FARS2: variants seen among roughly 807,000 people sequenced by gnomAD.
FARS2 encodes phenylalanyl-tRNA synthetase 2, mitochondrial.
Under a neutral mutation model 46.4 loss-of-function variants are expected in FARS2, and 40 were observed. The ratio of observed to expected loss-of-function variants is 0.86; its 90% confidence interval spans 0.67 to 1.12. The LOEUF (loss-of-function observed/expected upper bound fraction) is 1.12. FARS2 is among the 50% of genes most tolerant of loss of function. The probability of loss-of-function intolerance (pLI) is 0.00; values close to 1 mark genes in which losing one functional copy is unlikely to be tolerated. For synonymous variants in FARS2, 234 were observed against 214.9 expected, an observed-to-expected ratio of 1.09 and a Z score of -0.78; for missense variants, 513 against 567.9, an observed-to-expected ratio of 0.90 and a Z score of 0.98.
At chr6:5,708,976 G>T (rs1758933759) in intron 6 of FARS2, among the ~76,000 whole-genome samples, 1 of 152,160 alleles carries the variant, frequency 6.6e-6, no homozygotes, top group African/African-American at 2.4e-5. Context: ...TAACTCTAAA[G>T]CCAGGGTTGC....
chr6:5,433,401 G>T (rs541478315), intron 4 of FARS2, among the ~76,000 whole-genome samples: 22 of 152,268 alleles, frequency 1.4e-4, no homozygotes, highest in African/African-American at 4.8e-4. Flanking sequence ...TCAACAGAGG[G>T]TCCCCTTAGT....
intron 6 of FARS2, among the ~76,000 whole-genome samples, chr6:5,741,482 C>T (rs1761337231): frequency 6.6e-6 from 1 of 152,184 alleles, no homozygotes; most frequent in African/African-American, 2.4e-5. Context: ...GGAGCCTTTC[C>T]AGGGTATGGT....
chr6:5,649,474 T>A (rs970104022), intron 6 of FARS2, among the ~76,000 whole-genome samples: 1 of 152,216 alleles, frequency 6.6e-6, no homozygotes, highest in African/African-American at 2.4e-5. Flanking sequence ...CCTTGAGGTT[T>A]ACATGCAGGG....
chr6:5,529,228 A>G (rs575151201), intron 4 of FARS2, among the ~76,000 whole-genome samples: 43 of 152,316 alleles, frequency 2.8e-4, no homozygotes, highest in Admixed American at 9.8e-4. Flanking sequence ...GAGCAAGTCA[A>G]TGTTTCTTTC....
chr6:5,249,956 A>G, the FARS2 span, among the ~76,000 whole-genome samples: 9 of 152,192 alleles, frequency 5.9e-5, no homozygotes, highest in African/African-American at 2.2e-4. Flanking sequence ...ATTAAGAGGT[A>G]ATTTTCTATT....
chr6:5,507,661 T>C (rs1015647945), intron 4 of FARS2, among the ~76,000 whole-genome samples: 2 of 152,154 alleles, frequency 1.3e-5, no homozygotes, highest in African/African-American at 4.8e-5. Context: ...GCAGAACTTA[T>C]GATTTGAGCT....
intron 6 of FARS2, among the ~76,000 whole-genome samples, chr6:5,680,324 T>C (rs1246863551): frequency 2.0e-5 from 3 of 152,072 alleles, no homozygotes; most frequent in Admixed American, 6.5e-5. Flanking sequence ...TAGGCATGAG[T>C]AGCCATGGGT....
intron 6 of FARS2, among the ~76,000 whole-genome samples, chr6:5,662,053 A>G (rs1272941461): frequency 1.3e-5 from 2 of 152,112 alleles, no homozygotes; most frequent in Non-Finnish European, 2.9e-5. Flanking sequence ...GAAAAGGAAA[A>G]ATATTTTCTC....
At chr6:5,500,570 A>G (rs979854204) in intron 4 of FARS2, among the ~76,000 whole-genome samples, 1 of 152,194 alleles carries the variant, frequency 6.6e-6, no homozygotes, top group Non-Finnish European at 1.5e-5. Flanking sequence ...TTTTCATCAG[A>G]GCAGGTAAAC....
At chr6:5,748,625 A>T in intron 6 of FARS2, among the ~76,000 whole-genome samples, 1 of 152,268 alleles carries the variant, frequency 6.6e-6, no homozygotes, top group East Asian at 1.9e-4. Context: ...TCCTAATGGC[A>T]TGGCTGGGGC....
At chr6:5,361,902 G>A (rs1278956288) in intron 1 of FARS2, among the ~76,000 whole-genome samples, 2 of 152,156 alleles carry the variant, frequency 1.3e-5, no homozygotes, top group Admixed American at 6.5e-5. Context: ...AGAAGAATGA[G>A]GGAGGTTGAA....
At chr6:5,321,939 A>G (rs1438398580) in intron 1 of FARS2, among the ~76,000 whole-genome samples, 1 of 152,222 alleles carries the variant, frequency 6.6e-6, no homozygotes, top group Non-Finnish European at 1.5e-5. Flanking sequence ...GACATAAGTT[A>G]TGTCTTACAT....
chr6:5,366,778 T>G (rs1758708105), intron 1 of FARS2, among the ~76,000 whole-genome samples: 1 of 152,110 alleles, frequency 6.6e-6, no homozygotes, highest in Non-Finnish European at 1.5e-5. Context: ...ACATATGCCT[T>G]TGGGAGGAAG....
chr6:5,658,558 C>T (rs1777708801), intron 6 of FARS2, among the ~76,000 whole-genome samples: 1 of 152,222 alleles, frequency 6.6e-6, no homozygotes, highest in Admixed American at 6.5e-5. Flanking sequence ...CATGTCTACT[C>T]ATACATTGCC....
chr6:5,316,358 C>G (rs1321143046), intron 1 of FARS2, among the ~76,000 whole-genome samples: 1 of 152,120 alleles, frequency 6.6e-6, no homozygotes, highest in Non-Finnish European at 1.5e-5. Context: ...TAAAACTACC[C>G]GAATGACACA....
At chr6:5,563,268 T>C (rs953338705) in intron 5 of FARS2, among the ~76,000 whole-genome samples, 2 of 152,108 alleles carry the variant, frequency 1.3e-5, no homozygotes, top group African/African-American at 2.4e-5. Flanking sequence ...ACTTTCAATA[T>C]GCAAATGCAG....
intron 4 of FARS2, among the ~76,000 whole-genome samples, chr6:5,479,562 T>A (rs1329940809): frequency 1.3e-5 from 2 of 152,216 alleles, no homozygotes; most frequent in African/African-American, 4.8e-5. Flanking sequence ...AATTTTGTCA[T>A]CTTTCTGATC....
intron 3 of FARS2, among the ~76,000 whole-genome samples, chr6:5,412,854 T>G (rs1400041301): frequency 1.3e-5 from 2 of 151,726 alleles, no homozygotes; most frequent in Non-Finnish European, 2.9e-5. Flanking sequence ...AGTTGTTGCA[T>G]TCAAGCAATT....
At chr6:5,609,752 C>G in intron 5 of FARS2, 1 of 1,515,920 alleles carries the variant, frequency 6.6e-7, no homozygotes, top group South Asian at 1.1e-5. Context: ...GGCAAAGCCC[C>G]TTTTCTTGCC....
Sources: gnomAD v4.1 joint callset for allele counts (sites outside exome capture counted in the v4.1 genomes callset) on GRCh38, gnomAD v4.1.1 for gene constraint, MANE v1.5 for transcripts, NCBI Gene and HGNC (gene_info 2026-07-23, HGNC 2026-07-21) for gene names.